The following PHF3 variants were observed in gnomAD, a reference collection of about 807,000 sequenced individuals.
The protein encoded by PHF3 is PHD finger protein 3.
A neutral mutation model predicts 178.4 loss-of-function variants in PHF3; 41 were observed. The observed-to-expected ratio is 0.23, with a 90% CI of 0.18 to 0.30. PHF3 has a LOEUF of 0.30. PHF3 is among the 10% of genes least tolerant of loss of function. PHF3 has a pLI of 1.00. For missense variants in PHF3, 2,346 were observed against 2,398.1 expected, an observed-to-expected ratio of 0.98 and a Z score of 0.45; for synonymous variants, 842 against 800.5, an observed-to-expected ratio of 1.05 and a Z score of -0.88.
At chr6:63,690,746 G>A (rs979291770) in intron 4 of PHF3, among the ~76,000 whole-genome samples, 2 of 152,148 alleles carry the variant, frequency 1.3e-5, no homozygotes, top group Admixed American at 6.5e-5. Context: ...AAGGATGGTT[G>A]TCTGAAAGCA....
intron 2 of PHF3, among the ~76,000 whole-genome samples, chr6:63,652,566 C>T (rs1324388507): frequency 1.3e-5 from 2 of 152,090 alleles, no homozygotes; most frequent in African/African-American, 4.8e-5. Flanking sequence ...TCTGCTTCTG[C>T]TTTTATTGCC....
At chr6:63,691,568 T>G (rs1231442716) in intron 4 of PHF3, among the ~76,000 whole-genome samples, 169 bp from the exon 5 acceptor site, 1 of 152,216 alleles carries the variant, frequency 6.6e-6, no homozygotes, top group Non-Finnish European at 1.5e-5. Flanking sequence ...TAATAGAATA[T>G]TATTTTCTTT....
chr6:63,672,567 G>A (rs2149570006), intron 2 of PHF3, among the ~76,000 whole-genome samples: 1 of 152,254 alleles, frequency 6.6e-6, no homozygotes, highest in South Asian at 2.1e-4. Context: ...CTCCTTTAAT[G>A]AAATTAGAAG....
At chr6:63,660,239 G>A (rs549558850) in intron 2 of PHF3, among the ~76,000 whole-genome samples, 16 of 152,016 alleles carry the variant, frequency 1.1e-4, no homozygotes, top group Non-Finnish European at 1.8e-4. Context: ...TACCAGAGAC[G>A]TGCTCTAAAG....
chr6:63,654,093 G>A (rs1765131833), intron 2 of PHF3, among the ~76,000 whole-genome samples: 1 of 152,054 alleles, frequency 6.6e-6, no homozygotes. Context: ...TTTTTGTTGT[G>A]TTTTTGTCTG....
chr6:63,720,909 C>G lies in PHF3; in HGVS notation c.*7201C>G. 1.3e-6 allele frequency: 2 copies of G among 1,551,084 alleles called. No homozygotes were observed. Among genetic ancestry groups the G allele is most frequent in the Non-Finnish European group, 1.7e-6 (2 of 1,146,606 alleles). ...TACAACTACATGGTGCCATTTATTA[C>G]AACAGAATGTGCCATTGTTATAGCT... On this transcript the variant is annotated 3_prime_UTR_variant, in exon 16 of 16. Coordinates refer to ENST00000262043, the MANE Select transcript of PHF3 (RefSeq NM_001370348.2).
intron 2 of PHF3, among the ~76,000 whole-genome samples, chr6:63,673,199 C>T (rs944705581): frequency 3.3e-5 from 5 of 151,972 alleles, no homozygotes; most frequent in South Asian, 2.1e-4. Flanking sequence ...GAAACAGCAC[C>T]GCTAACAAGC....
intron 7 of PHF3, 30 bp from the exon 8 acceptor site, chr6:63,698,419 G>A: frequency 6.3e-7 from 1 of 1,583,892 alleles, no homozygotes; most frequent in Non-Finnish European, 8.6e-7. Context: ...TTATACATTT[G>A]AAAAATAATT....
intron 11 of PHF3, 36 bp downstream of exon 11, chr6:63,703,707 C>A (rs1189715447): frequency 6.4e-7 from 1 of 1,574,440 alleles, no homozygotes; most frequent in Non-Finnish European, 8.6e-7. Context: ...ATTTTGCATT[C>A]ATTATGAAAG....
chr6:63,680,910 G>A (rs1766407384), intron 3 of PHF3, among the ~76,000 whole-genome samples: 1 of 151,978 alleles, frequency 6.6e-6, no homozygotes, highest in Admixed American at 6.6e-5. Flanking sequence ...GGAAGTCTGT[G>A]CTTTGTGCTT....
At position 63,713,081 on chromosome 6, in the gene PHF3, TCCACCACATTTG is replaced by T. The variant is rs1293025667; in HGVS notation, c.5499_5510del (p.His1834_Pro1837del). On this transcript the variant is annotated inframe_deletion, in exon 16 of 16. Coordinates refer to ENST00000262043, the MANE Select transcript of PHF3 (RefSeq NM_001370348.2). ...TTCCCCCACAAAGCATGTTTGGATT[TCCACCACATTTG>T]CCACCTCCATTACTTCCCCCTCCAG... The T allele has an allele frequency of 6.2e-7, 1 of 1,613,936 alleles. No homozygotes were observed. The highest frequency in any genetic ancestry group is 8.5e-7 in the Non-Finnish European group (1 of 1,179,982).
chr6:63,713,283 G>T lies in PHF3; in HGVS notation c.5695G>T (p.Asp1899Tyr), dbSNP rs1178504567. ...TCGGAGGCCAGAAAGGCGCCATAGT[G>T]ACCCTTGGGGTAGGCAAGACCAACA... ...DIRRPERRHS[D>Y]PWGRQDQQQL... The change falls in exon 16 of 16, where the codon GAC becomes TAC. Residue 1899 changes from aspartate to tyrosine, a missense_variant. Coordinates refer to ENST00000262043, the MANE Select transcript of PHF3 (RefSeq NM_001370348.2). The T allele has an allele frequency of 6.2e-7, 1 of 1,613,886 alleles. No individual in the cohort carries two copies. Among genetic ancestry groups the T allele is most frequent in the Non-Finnish European group, 8.5e-7 (1 of 1,179,994 alleles).
intron 15 of PHF3, 45 bp from the exon 16 acceptor site, chr6:63,711,541 A>G (rs775513013): frequency 6.0e-6 from 9 of 1,497,568 alleles, no homozygotes; most frequent in Middle Eastern, 1.8e-4. Flanking sequence ...TTTTTTTGCA[A>G]TGATTGAAAA....
chr6:63,706,950 A>G, intron 13 of PHF3, 74 bp downstream of exon 13: 3 of 1,279,012 alleles, frequency 2.3e-6, no homozygotes, highest in Non-Finnish European at 3.4e-6. Flanking sequence ...ACAGGGAAAT[A>G]AGACAGAGTT....
In PHF3 at chr6:63,722,450, ATC is replaced by A. The variant is rs1485623004; in HGVS notation, c.*8745_*8746del. On this transcript the variant is annotated 3_prime_UTR_variant, in exon 16 of 16. Transcript: ENST00000262043. ...ACTAGGTTTCCCTCCATTACAGTAT[ATC>A]TCATTTTATAATTATATAGTCGTGT... is the stretch of plus-strand genomic sequence containing the variant. 6.6e-6 allele frequency among the ~76,000 whole-genome samples: 1 copy of A among 152,126 alleles called. No individual in the cohort carries two copies. The highest frequency in any genetic ancestry group is 6.6e-5 in the Admixed American group (1 of 15,262).
intron 2 of PHF3, among the ~76,000 whole-genome samples, chr6:63,666,632 C>G (rs556137182): frequency 1.7e-4 from 26 of 151,808 alleles, no homozygotes; most frequent in African/African-American, 5.1e-4. Flanking sequence ...TTTAAATCAT[C>G]TTTGAATTAT....
intron 4 of PHF3, chr6:63,686,170 G>C (rs1230849216): frequency 4.8e-6 from 2 of 413,132 alleles, no homozygotes; most frequent in African/African-American, 2.0e-5. Flanking sequence ...CATTGTCACA[G>C]GTTAGACAGT....
chr6:63,654,559 G>T (rs1264130623), intron 2 of PHF3, among the ~76,000 whole-genome samples: 1 of 152,184 alleles, frequency 6.6e-6, no homozygotes, highest in Admixed American at 6.5e-5. Context: ...ACACTTCATA[G>T]AATTAGAGCT....
intron 1 of PHF3, among the ~76,000 whole-genome samples, chr6:63,640,722 C>T (rs1764536542): frequency 6.6e-6 from 1 of 152,116 alleles, no homozygotes. Flanking sequence ...CTCTTTGATC[C>T]TAATTTCATT....
Sources: allele counts gnomAD v4.1 joint callset (sites outside exome capture counted in the v4.1 genomes callset), GRCh38; gene constraint gnomAD v4.1.1; transcripts MANE v1.5; gene names NCBI Gene and HGNC (gene_info 2026-07-23, HGNC 2026-07-21).